CACNG3: variants seen among roughly 807,000 people sequenced by gnomAD.
CACNG3 encodes the protein voltage-dependent calcium channel gamma-3 subunit.
In CACNG3, 3 loss-of-function variants were observed where a neutral mutation model predicts 28.5. The observed-to-expected ratio is 0.11, with a 90% CI of 0.05 to 0.27. CACNG3 has a LOEUF of 0.27. Ranked by LOEUF, CACNG3 falls within the 10% of genes least tolerant of loss-of-function variation. CACNG3 has a pLI of 1.00. For synonymous variants in CACNG3, 174 were observed against 162.2 expected, an observed-to-expected ratio of 1.07 and a Z score of -0.55; for missense variants, 236 against 414.4, an observed-to-expected ratio of 0.57 and a Z score of 3.74.
At chr16:24,346,491 T>A (rs1257831062) in intron 1 of CACNG3, among the ~76,000 whole-genome samples, 2 of 152,088 alleles carry the variant, frequency 1.3e-5, no homozygotes, top group African/African-American at 4.8e-5. Context: ...GGTGAGAGGA[T>A]CACTTGAGCC....
At chr16:24,335,294 C>T (rs1414031070) in intron 1 of CACNG3, among the ~76,000 whole-genome samples, 2 of 152,050 alleles carry the variant, frequency 1.3e-5, no homozygotes, top group African/African-American at 4.8e-5. Flanking sequence ...GTGGCGGGCA[C>T]CTGTAATCTC....
intron 1 of CACNG3, among the ~76,000 whole-genome samples, chr16:24,292,755 A>G (rs1898981978): frequency 6.6e-6 from 1 of 152,262 alleles, no homozygotes; most frequent in Non-Finnish European, 1.5e-5. Context: ...CTATTTTAAC[A>G]AAATGCTTTT....
chr16:24,298,200 A>G (rs1422442612), intron 1 of CACNG3, among the ~76,000 whole-genome samples: 1 of 152,128 alleles, frequency 6.6e-6, no homozygotes, highest in Non-Finnish European at 1.5e-5. Context: ...CTTGTTTTTA[A>G]CCAAAATGGG....
chr16:24,338,375 G>A (rs994390598), intron 1 of CACNG3, among the ~76,000 whole-genome samples: 8 of 152,086 alleles, frequency 5.3e-5, no homozygotes, highest in East Asian at 1.9e-4. Flanking sequence ...ACAGAGTCTC[G>A]CTCTGTCACC....
chr16:24,281,161 A>AGCCCTGGG (rs1355404360), intron 1 of CACNG3, among the ~76,000 whole-genome samples: 2 of 152,130 alleles, frequency 1.3e-5, no homozygotes, highest in Non-Finnish European at 2.9e-5. Context: ...GATGGGGAAC[A>AGCCCTGGG]GCAGCTCCCA....
intron 2 of CACNG3, among the ~76,000 whole-genome samples, chr16:24,349,873 G>A (rs1222643061): frequency 2.6e-5 from 4 of 152,046 alleles, no homozygotes; most frequent in African/African-American, 9.7e-5. Flanking sequence ...TGTTTCCAAC[G>A]CCTCTGACAG....
At chr16:24,353,857 G>A (rs1169904179) in intron 2 of CACNG3, among the ~76,000 whole-genome samples, 1 of 152,182 alleles carries the variant, frequency 6.6e-6, no homozygotes, top group East Asian at 1.9e-4. Flanking sequence ...CTGTATACAG[G>A]GCTGGCTGCG....
At chr16:24,318,887 G>A (rs1899421463) in intron 1 of CACNG3, among the ~76,000 whole-genome samples, 1 of 152,174 alleles carries the variant, frequency 6.6e-6, no homozygotes, top group African/African-American at 2.4e-5. Context: ...CTGGCTGCAG[G>A]TAGCATCTAC....
At chr16:24,318,755 A>C (rs1012998779) in intron 1 of CACNG3, among the ~76,000 whole-genome samples, 2 of 152,170 alleles carry the variant, frequency 1.3e-5, no homozygotes, top group Admixed American at 6.5e-5. Flanking sequence ...GAGGAAGGGC[A>C]GCTGTTAATG....
At chr16:24,338,463 C>A (rs750934184) in intron 1 of CACNG3, among the ~76,000 whole-genome samples, 4 of 152,170 alleles carry the variant, frequency 2.6e-5, no homozygotes, top group Non-Finnish European at 5.9e-5. Flanking sequence ...CCTGCCTCAG[C>A]CTCCCGAGTA....
chr16:24,290,013 C>T (rs1286716795), intron 1 of CACNG3, among the ~76,000 whole-genome samples: 1 of 152,222 alleles, frequency 6.6e-6, no homozygotes, highest in Non-Finnish European at 1.5e-5. Flanking sequence ...GAGGCTTGCG[C>T]CCTAGCAGGG....
chr16:24,351,497 G>C (rs1021326262), intron 2 of CACNG3, among the ~76,000 whole-genome samples: 1 of 151,248 alleles, frequency 6.6e-6, no homozygotes, highest in African/African-American at 2.4e-5. Context: ...GCTTGAACTC[G>C]GGTGGTGGAG....
chr16:24,342,028 G>A (rs909219392), intron 1 of CACNG3, among the ~76,000 whole-genome samples: 1 of 152,212 alleles, frequency 6.6e-6, no homozygotes, highest in Non-Finnish European at 1.5e-5. Context: ...AGCGCTTTGG[G>A]AGGCTGCAGC....
At chr16:24,327,301 G>A (rs574303333) in intron 1 of CACNG3, among the ~76,000 whole-genome samples, 1 of 151,262 alleles carries the variant, frequency 6.6e-6, no homozygotes, top group South Asian at 2.1e-4. Flanking sequence ...ACTGATGCCT[G>A]TAATCCCAGC....
intron 1 of CACNG3, among the ~76,000 whole-genome samples, chr16:24,311,999 T>G (rs1899271177): frequency 6.6e-6 from 1 of 152,242 alleles, no homozygotes; most frequent in African/African-American, 2.4e-5. Context: ...CCTGACCTAT[T>G]TGATTTGAGA....
chr16:24,269,462 A>G (rs983527576), intron 1 of CACNG3, among the ~76,000 whole-genome samples: 3 of 152,124 alleles, frequency 2.0e-5, no homozygotes, highest in African/African-American at 7.2e-5. Flanking sequence ...TCCAGTCTTG[A>G]AAATCTCAGC....
In CACNG3 at chr16:24,279,340, C is replaced by A. The variant is rs539506867; in HGVS notation, c.211+22375C>A. Among the ~76,000 whole-genome samples, 13 of 152,248 alleles carry A rather than the reference C, an allele frequency of 8.5e-5. 1 individual carries two copies. The highest frequency in any genetic ancestry group is 3.1e-4 in the African/African-American group (13 of 41,538). On this transcript the variant is annotated intron_variant, in intron 1 of 3. Transcript: ENST00000005284. ...ACAGGGTCTCACTCTGTTGGCCGGG[C>A]TGGAGTGCAGTGGTGCAATCTCGGC... is the stretch of plus-strand genomic sequence containing the variant.
chr16:24,258,290 C>T (rs1360323472), intron 1 of CACNG3, among the ~76,000 whole-genome samples: 2 of 152,164 alleles, frequency 1.3e-5, no homozygotes, highest in Non-Finnish European at 2.9e-5. Flanking sequence ...CTGACCGTAG[C>T]GCTACTACAA....
rs71154295 is a variant in CACNG3, at chr16:24,280,821, C to CAAAAAAAAAAA, written c.211+23870_211+23880dup. Reference sequence around the variant, plus strand: ...TGGGTGACAGAGCAAGAGTTTGTCTCAAAAAAAAAAAAAAAAAAAAAAAAG... The same window carrying CAAAAAAAAAAA: ...TGGGTGACAGAGCAAGAGTTTGTCTCAAAAAAAAAAAAAAAAAAAAAAAAAAAAAAAAAAAG... On this transcript the variant is annotated intron_variant, in intron 1 of 3. Transcript: ENST00000005284. 2.2e-3 allele frequency among the ~76,000 whole-genome samples: 121 copies of CAAAAAAAAAAA among 55,642 alleles called. 10 individuals carry two copies. The highest frequency in any genetic ancestry group is 3.4e-3 in the South Asian group (3 of 892). The allele number at this position is 55,642 out of a possible 152,430, so 36.5% of individuals were successfully genotyped here. A position where few individuals can be genotyped will look rare whatever the true frequency, so the allele number is the denominator to read the frequency against.
Sources: gnomAD v4.1 joint callset for allele counts (sites outside exome capture counted in the v4.1 genomes callset) on GRCh38, gnomAD v4.1.1 for gene constraint, MANE v1.5 for transcripts, NCBI Gene and HGNC (gene_info 2026-07-23, HGNC 2026-07-21) for gene names.